The following DLG5 variants were observed in gnomAD, a reference collection of about 807,000 sequenced individuals.
DLG5 encodes discs large MAGUK scaffold protein 5.
In DLG5, 48 loss-of-function variants were observed where a neutral mutation model predicts 189.8. The ratio of observed to expected loss-of-function variants is 0.25; its 90% CI spans 0.20 to 0.32. The LOEUF (loss-of-function observed/expected upper bound fraction) is 0.32. DLG5 is among the 10% of genes least tolerant of loss of function. DLG5 has a pLI of 1.00. For missense variants in DLG5, 2,160 were observed against 2,544.7 expected (o/e 0.85, Z 3.25); for synonymous variants, 1,016 against 1,054.1 (o/e 0.96, Z 0.70).
chr10:77,816,348 C>T (rs768840212), intron 20 of DLG5, among the ~76,000 whole-genome samples: 5 of 152,246 alleles, frequency 3.3e-5, no homozygotes, highest in South Asian at 2.1e-4. Flanking sequence ...GCCCTCTTGG[C>T]TCCCTGCCTT....
chr10:77,800,678 A>C (rs1025026605), intron 27 of DLG5, among the ~76,000 whole-genome samples: 1 of 152,242 alleles, frequency 6.6e-6, no homozygotes, highest in African/African-American at 2.4e-5. Context: ...AGAGGAAGGG[A>C]AGGGCAAAGA....
intron 10 of DLG5, 57 bp from the exon 11 acceptor site, chr10:77,830,401 G>C: frequency 6.2e-7 from 1 of 1,610,858 alleles, no homozygotes; most frequent in Non-Finnish European, 8.5e-7. Flanking sequence ...GAGACATTTG[G>C]CTCTTAAGCC....
At chr10:77,868,110 C>G in intron 2 of DLG5, 1 of 456,060 alleles carries the variant, frequency 2.2e-6, no homozygotes, top group Non-Finnish European at 4.4e-6. Context: ...ACACTTTGAT[C>G]TTGGGCTTCT....
Position 77,814,505 on chromosome 10 carries a change from A to ATATATATATC in DLG5, c.4025+2045_4025+2046insGATATATATA, listed in dbSNP as rs36102159. Among the ~76,000 whole-genome samples, 102 of 110,218 alleles carry ATATATATATC rather than the reference A, an allele frequency of 9.3e-4. 1 individual carries two copies. Among genetic ancestry groups the ATATATATATC allele is most frequent in the Non-Finnish European group, 1.1e-3 (60 of 54,094 alleles). The allele number at this position is 110,218 out of a possible 152,430, so 72.3% of individuals were successfully genotyped here. On this transcript the variant is annotated intron_variant, in intron 20 of 31. Coordinates refer to ENST00000372391, the MANE Select transcript of DLG5 (RefSeq NM_004747.4). ...TATATATATATATATATATATATAT[A>ATATATATATC]TCCAAAGGGTAATGGCAATTGAATC...
chr10:77,792,078 G>A lies in DLG5; in HGVS notation c.*362C>T, dbSNP rs541569405. ...GGCTGGGCACCGGCAACATGGAGCC[G>A]TTCAAGTAAACATAAACCACCAAAT... On this transcript the variant is annotated 3_prime_UTR_variant, in exon 32 of 32. Coordinates refer to ENST00000372391, the MANE Select transcript of DLG5 (RefSeq NM_004747.4). 6 of 234,516 alleles carry A rather than the reference G, an allele frequency of 2.6e-5. No homozygotes were observed. Among genetic ancestry groups the A allele is most frequent in the South Asian group, 1.7e-4 (2 of 12,092 alleles). 14.5% of individuals were successfully genotyped at this position (234,516 alleles called of 1,614,324 possible).
rs1397178408 is a variant in DLG5, at chr10:77,856,827, C to T, written c.439G>A (p.Glu147Lys). ...AGCCGCAGCTGAATGGAGAGGTTCT[C>T]CACCTTCTCATTCACTTGCTGGTCA... ...LTDQQVNEKVENLSIQLRLMT... is the reference protein window; with the variant it reads ...LTDQQVNEKVKNLSIQLRLMT... Residue 147 changes from glutamate (E) to lysine (K), a missense_variant, in exon 3 of 32, where the codon GAG (glutamate) becomes AAG (lysine). This residue lies in a region of DLG5 where 664 missense variants were observed against 838.5 expected (regional missense o/e 0.79). Coordinates refer to ENST00000372391, the MANE Select transcript of DLG5 (RefSeq NM_004747.4). The T allele has an allele frequency of 6.2e-7, 1 of 1,613,160 alleles. No individual in the cohort carries two copies. The highest frequency in any genetic ancestry group is 8.5e-7 in the Non-Finnish European group (1 of 1,179,988).
rs563765654 is a variant in DLG5, at chr10:77,835,796, G to A, written c.1564C>T (p.Arg522Trp). The A allele has an allele frequency of 7.4e-6, 12 of 1,613,954 alleles. No individual in the cohort carries two copies. The highest frequency in any genetic ancestry group is 5.3e-5 in the African/African-American group (4 of 75,028). ...CGCTCCTGGAAGGCCCAGTCCCGCC[G>A]GCACTTGGCCACATCCGCCTCCTGG... ...ALQEADVAKCRRDWAFQERDK... is the reference protein window; with the variant it reads ...ALQEADVAKCWRDWAFQERDK... Residue 522 changes from arginine (R) to tryptophan (W), a missense_variant, in exon 8 of 32, where the codon CGG becomes TGG. Arg to Trp is a moderately radical substitution (Grantham distance 101, BLOSUM62 -3). This residue lies in a region of DLG5 where 664 missense variants were observed against 838.5 expected (regional missense o/e 0.79). Coordinates refer to ENST00000372391, the MANE Select transcript of DLG5 (RefSeq NM_004747.4).
In DLG5 at chr10:77,821,351, T is replaced by C; in HGVS notation, c.3133A>G (p.Thr1045Ala). 6.2e-7 allele frequency: 1 copy of C among 1,612,790 alleles called. No homozygotes were observed. Among genetic ancestry groups the C allele is most frequent in the Non-Finnish European group, 8.5e-7 (1 of 1,179,946 alleles). Residue 1045 changes from threonine to alanine, a missense_variant, in exon 15 of 32, where the codon ACT (threonine) becomes GCT (alanine). Transcript: ENST00000372391. ...EATLVGSSPS[T>A]SPPSALPPDV... ...GGGGGCAGGGCGCTCGGGGGACTAGTGGATGGGGAGCTGCCCACCAGAGTG... is the reference window on the plus strand; with the variant it reads ...GGGGGCAGGGCGCTCGGGGGACTAGCGGATGGGGAGCTGCCCACCAGAGTG...
intron 1 of DLG5, among the ~76,000 whole-genome samples, chr10:77,876,724 A>AGGGAGGGAGGGAGGGGGGGG (rs1845106971): frequency 2.2e-5 from 1 of 44,730 alleles, no homozygotes; most frequent in Non-Finnish European, 4.2e-5. Flanking sequence ...GGAGGGAGGG[A>AGGGAGGGAGGGAGGGGGGGG]GGGAAGGAAG....
chr10:77,880,152 C>T (rs565084837), intron 1 of DLG5, among the ~76,000 whole-genome samples: 1 of 151,980 alleles, frequency 6.6e-6, no homozygotes, highest in Non-Finnish European at 1.5e-5. Context: ...GTCGACCACA[C>T]AAGTAAAGAA....
At chr10:77,839,433 G>A (rs564192387) in intron 7 of DLG5, among the ~76,000 whole-genome samples, 5 of 152,070 alleles carry the variant, frequency 3.3e-5, no homozygotes, top group Admixed American at 3.3e-4. Context: ...CCCGGCAGGT[G>A]GAGGTTGTAG....
intron 27 of DLG5, among the ~76,000 whole-genome samples, chr10:77,802,761 G>C (rs1204392312): frequency 6.6e-6 from 1 of 152,152 alleles, no homozygotes; most frequent in Non-Finnish European, 1.5e-5. Context: ...TTAGCCAGAT[G>C]TGGTGACAGG....
intron 1 of DLG5, among the ~76,000 whole-genome samples, chr10:77,902,832 T>A (rs901402405): frequency 6.6e-6 from 1 of 151,068 alleles, no homozygotes; most frequent in African/African-American, 2.4e-5. Context: ...TGCACTCCAG[T>A]CTGGGCGACA....
intron 1 of DLG5, among the ~76,000 whole-genome samples, chr10:77,895,070 C>T (rs1344613179): frequency 6.6e-6 from 1 of 152,238 alleles, no homozygotes; most frequent in African/African-American, 2.4e-5. Flanking sequence ...GCAGGTCACA[C>T]TGCTGGACTT....
chr10:77,908,000 C>T (rs999000005), intron 1 of DLG5, among the ~76,000 whole-genome samples: 7 of 152,166 alleles, frequency 4.6e-5, no homozygotes, highest in African/African-American at 1.7e-4. Context: ...CATGTGTGGC[C>T]ATGAACCTGC....
At chr10:77,931,634 C>T (rs540722345), upstream of DLG5, among the ~76,000 whole-genome samples, 1 of 152,192 alleles carries the variant, frequency 6.6e-6, no homozygotes, top group Non-Finnish European at 1.5e-5. Context: ...TCCTTCACAC[C>T]TCCTCTACTG....
chr10:77,896,641 G>A (rs2154577757), intron 1 of DLG5, among the ~76,000 whole-genome samples: 1 of 152,206 alleles, frequency 6.6e-6, no homozygotes, highest in East Asian at 1.9e-4. Context: ...AGGAGTTCGA[G>A]ACCAGCCCAG....
At chr10:77,824,362 C>G in intron 14 of DLG5, 22 bp downstream of exon 14, 1 of 1,580,810 alleles carries the variant, frequency 6.3e-7, no homozygotes, top group Non-Finnish European at 8.7e-7. Context: ...ACCGTGAGAG[C>G]AGAGCCAGGT....
intron 1 of DLG5, among the ~76,000 whole-genome samples, chr10:77,921,847 C>T (rs1846544497): frequency 6.6e-6 from 1 of 152,098 alleles, no homozygotes; most frequent in Non-Finnish European, 1.5e-5. Context: ...GGAGTGGGAA[C>T]GAGAAGGAAA....
Sources: allele counts gnomAD v4.1 joint callset (sites outside exome capture counted in the v4.1 genomes callset), GRCh38; gene constraint gnomAD v4.1.1; regional missense constraint gnomAD v4.1.1; transcripts MANE v1.5; gene names NCBI Gene and HGNC (gene_info 2026-07-23, HGNC 2026-07-21).